MYO7A: variants seen among roughly 807,000 people sequenced by gnomAD.
MYO7A encodes unconventional myosin-VIIa.
MYO7A carries 210 observed loss-of-function variants against 263.8 expected under a neutral mutation model. That is an observed-to-expected ratio of 0.80 (90% CI 0.71 to 0.89). The LOEUF is 0.89. MYO7A is among the 40% of genes least tolerant of loss of function. The pLI, the probability that MYO7A is intolerant of heterozygous loss-of-function variation, is 0.00. For missense variants in MYO7A, 2,820 were observed against 2,968.3 expected (o/e 0.95, Z 1.16); for synonymous variants, 1,239 against 1,197.3 (o/e 1.03, Z -0.72).
chr11:77,160,261 C>G lies in MYO7A; in HGVS notation c.1179C>G (p.Asp393Glu). 1 of 1,570,308 alleles carries G rather than the reference C, an allele frequency of 6.4e-7. No individual in the cohort carries two copies. The highest frequency in any genetic ancestry group is 8.6e-7 in the Non-Finnish European group (1 of 1,158,364). Residue 393 changes from aspartate to glutamate, a missense_variant, in exon 11 of 49, where the codon GAC becomes GAG. Coordinates refer to ENST00000409709, the MANE Select transcript of MYO7A (RefSeq NM_000260.4). ...STPLSREQAL[D>E]VRDAFVKGIY... ...CACTGAGCAGGGAACAGGCACTGGACGTGCGCGACGCCTTCGTAAAGGTGG... is the reference window on the plus strand; with the variant it reads ...CACTGAGCAGGGAACAGGCACTGGAGGTGCGCGACGCCTTCGTAAAGGTGG...
At chr11:77,148,440 T>C (rs996978720) in intron 4 of MYO7A, among the ~76,000 whole-genome samples, 3 of 152,126 alleles carry the variant, frequency 2.0e-5, no homozygotes, top group Non-Finnish European at 4.4e-5. Flanking sequence ...AACCTTGATA[T>C]TAGAAACACA....
intron 4 of MYO7A, among the ~76,000 whole-genome samples, chr11:77,150,345 A>G (rs1951877289): frequency 6.6e-6 from 1 of 152,144 alleles, no homozygotes; most frequent in African/African-American, 2.4e-5. Flanking sequence ...ACAAAGGCAA[A>G]AACAGGATTC....
chr11:77,173,581 G>A (rs1416329761), intron 16 of MYO7A, among the ~76,000 whole-genome samples: 7 of 152,166 alleles, frequency 4.6e-5, no homozygotes, highest in African/African-American at 1.2e-4. Context: ...ACCTCGCTGC[G>A]AGCCCTCTCC....
At chr11:77,202,967 G>T (rs1208986007) in intron 37 of MYO7A, 93 bp from the exon 38 acceptor site, 2 of 1,462,834 alleles carry the variant, frequency 1.4e-6, no homozygotes, top group East Asian at 2.5e-5. Flanking sequence ...TCTGGACACA[G>T]GGATGGGTGG....
In MYO7A at chr11:77,179,969, C is replaced by T. The variant is rs1379243741; in HGVS notation, c.2586+16C>T. Reference sequence around the variant, plus strand: ...CAGGGCTGAGGTGAGGGAGCAAGTCCATAGCACCCACAGCTCTGACCCCTG... The same window carrying T: ...CAGGGCTGAGGTGAGGGAGCAAGTCTATAGCACCCACAGCTCTGACCCCTG... On this transcript the variant is annotated intron_variant, in intron 21 of 48. Transcript: ENST00000409709. 5 of 1,512,874 alleles carry T rather than the reference C, an allele frequency of 3.3e-6. No homozygotes were observed. The African/African-American group carries it at 5.5e-5, about 17-fold the overall frequency. The allele number at this position is 1,512,874 out of a possible 1,614,324, so 93.7% of individuals were successfully genotyped here. A position where few individuals can be genotyped will look rare whatever the true frequency, so the allele number is the denominator to read the frequency against.
At chr11:77,198,647 G>A (rs761952656) in intron 34 of MYO7A, 26 bp downstream of exon 34, 1 of 1,612,870 alleles carries the variant, frequency 6.2e-7, no homozygotes, top group East Asian at 2.2e-5. Flanking sequence ...TGGAGATGCA[G>A]ACAGACAGAG....
chr11:77,142,823 G>A lies in MYO7A; in HGVS notation c.132+1G>A, dbSNP rs1951310214. On this transcript the variant is annotated splice_donor_variant, in intron 3 of 48. Transcript: ENST00000409709. LOFTEE classifies it high-confidence loss of function. ...CCAGGTGGTGGATGATGAAGACAAT[G>A]TGAGTAGTCCCCTCCCTCCTCCTGC... is the stretch of plus-strand genomic sequence containing the variant. 6.3e-7 allele frequency: 1 copy of A among 1,599,064 alleles called. No homozygotes were observed. The highest frequency in any genetic ancestry group is 8.5e-7 in the Non-Finnish European group (1 of 1,172,766).
At chr11:77,148,236 A>G (rs1488083230) in intron 4 of MYO7A, among the ~76,000 whole-genome samples, 2 of 152,184 alleles carry the variant, frequency 1.3e-5, no homozygotes, top group African/African-American at 4.8e-5. Flanking sequence ...CCTTGAAACC[A>G]ATGGGAGGCC....
chr11:77,202,742 G>T (rs12273871), intron 37 of MYO7A, among the ~76,000 whole-genome samples: 1 of 151,692 alleles, frequency 6.6e-6, no homozygotes, highest in Non-Finnish European at 1.5e-5. Context: ...CTTCTGGGGC[G>T]GGGGGTGGGG....
Position 77,183,175 on chromosome 11 carries a change from G to C in MYO7A, c.3375+18G>C. The C allele has an allele frequency of 6.5e-7, 1 of 1,549,752 alleles. No homozygotes were observed. Among genetic ancestry groups the C allele is most frequent in the Non-Finnish European group, 8.7e-7 (1 of 1,145,928 alleles). ...CAGAGGAGGTGAGGGCAGACGCTGGGGGTCTGGCAGCCCAGGGGTGGCTGC... is the reference window on the plus strand; with the variant it reads ...CAGAGGAGGTGAGGGCAGACGCTGGCGGTCTGGCAGCCCAGGGGTGGCTGC... On this transcript the variant is annotated intron_variant, in intron 26 of 48. Transcript: ENST00000409709.
intron 29 of MYO7A, 31 bp from the exon 30 acceptor site, chr11:77,190,666 G>C: frequency 6.4e-7 from 1 of 1,563,884 alleles, no homozygotes; most frequent in Non-Finnish European, 8.6e-7. Flanking sequence ...GAAGGGAAGG[G>C]ACCCCACAAA....
At chr11:77,131,169 C>T (rs1412430006) in intron 2 of MYO7A, among the ~76,000 whole-genome samples, 1 of 152,190 alleles carries the variant, frequency 6.6e-6, no homozygotes, top group African/African-American at 2.4e-5. Flanking sequence ...TGGCCTCTGA[C>T]CCTCAGCCCT....
chr11:77,131,635 G>A (rs528521158), intron 2 of MYO7A, among the ~76,000 whole-genome samples: 168 of 152,266 alleles, frequency 1.1e-3, no homozygotes, highest in African/African-American at 3.9e-3. Flanking sequence ...CCCTCCAGGG[G>A]CGTCCTCCCT....
intron 31 of MYO7A, chr11:77,194,034 C>T (rs1462525211): frequency 1.8e-6 from 1 of 551,104 alleles, no homozygotes; most frequent in Admixed American, 2.2e-5. Flanking sequence ...TCTCACAGGG[C>T]TGAGTGTGCA....
intron 10 of MYO7A, 135 bp from the exon 11 acceptor site, chr11:77,160,028 G>A (rs1236415244): frequency 2.2e-5 from 29 of 1,342,954 alleles, no homozygotes; most frequent in African/African-American, 1.7e-4. Context: ...GGATTTGGCC[G>A]TGGGCCCTGG....
chr11:77,203,969 C>T (rs1208973399), intron 38 of MYO7A, 107 bp from the exon 39 acceptor site: 2 of 1,280,586 alleles, frequency 1.6e-6, no homozygotes, highest in Admixed American at 2.4e-5. Context: ...GCCTGAGGGC[C>T]CAGGGTCACA....
chr11:77,205,761 T>A, intron 40 of MYO7A, 144 bp downstream of exon 40: 1 of 1,142,926 alleles, frequency 8.7e-7, no homozygotes, highest in South Asian at 1.5e-5. Flanking sequence ...TAGACGGAGG[T>A]GCGGATCCTG....
rs376291076 is a variant in MYO7A, at chr11:77,192,144, G to A, written c.4018G>A (p.Ala1340Thr). 4.7e-5 allele frequency: 76 copies of A among 1,613,960 alleles called. No homozygotes were observed. Among genetic ancestry groups the A allele is most frequent in the Admixed American group, 3.5e-4 (21 of 60,032 alleles). ...AKEQGAQERN[A>T]PWRLFFRKEV... ...GGAGCAGGGCGCCCAGGAGCGCAAC[G>A]CCCCCTGGAGGCTCTTCTTCCGCAA... The change falls in exon 31 of 49, where the codon GCC (alanine) becomes ACC (threonine). Residue 1340 changes from alanine to threonine, a missense_variant. Coordinates refer to ENST00000409709, the MANE Select transcript of MYO7A (RefSeq NM_000260.4).
At chr11:77,198,353 G>A (rs186171466) in intron 33 of MYO7A, 142 bp from the exon 34 acceptor site, 24 of 1,154,806 alleles carry the variant, frequency 2.1e-5, no homozygotes, top group East Asian at 1.8e-4. Flanking sequence ...GGCACGTAGC[G>A]AGTTTGTGCT....
Sources: gnomAD v4.1 joint callset for allele counts (sites outside exome capture counted in the v4.1 genomes callset) on GRCh38, gnomAD v4.1.1 for gene constraint, MANE v1.5 for transcripts, NCBI Gene and HGNC (gene_info 2026-07-23, HGNC 2026-07-21) for gene names.